The following NRG3 variants were observed in gnomAD, a reference collection of about 807,000 sequenced individuals.
The protein encoded by NRG3 is neuregulin 3, also known as pro-neuregulin-3, membrane-bound isoform.
NRG3 carries 31 observed loss-of-function variants against 66.9 expected under a neutral mutation model. That is an observed-to-expected ratio of 0.46 (90% CI 0.35 to 0.63). The LOEUF is 0.63. NRG3 is among the 20% of genes least tolerant of loss of function. The pLI, the probability that NRG3 is intolerant of heterozygous loss-of-function variation, is 0.00. For missense variants in NRG3, 910 were observed against 878.9 expected (o/e 1.04, Z -0.45); for synonymous variants, 393 against 359.4 (o/e 1.09, Z -1.06).
intron 1 of NRG3, among the ~76,000 whole-genome samples, chr10:82,145,548 G>T (rs2070181566): frequency 6.6e-6 from 1 of 152,134 alleles, no homozygotes; most frequent in Non-Finnish European, 1.5e-5. Flanking sequence ...AAAACCACCA[G>T]TGATTTTCTT....
intron 1 of NRG3, among the ~76,000 whole-genome samples, chr10:82,103,986 T>A (rs570285090): frequency 2.8e-4 from 43 of 150,944 alleles, no homozygotes; most frequent in Admixed American, 9.9e-4. Context: ...TTTTTTTTTT[T>A]AATTTTTATA....
chr10:82,649,931 G>T (rs1032027134), intron 2 of NRG3, among the ~76,000 whole-genome samples: 4 of 152,040 alleles, frequency 2.6e-5, no homozygotes, highest in Non-Finnish European at 5.9e-5. Flanking sequence ...TGACCTTATT[G>T]TTGTAATGGT....
rs12219171 is a variant in NRG3, at chr10:82,200,628, G to A, written c.824-158111G>A. The stretch of plus-strand genomic sequence containing the variant: ...TCTATCTTTACAACAAACCTATGAC[G>A]CAAGAGGAAGAGAGAAAGTAAGTCG... On this transcript the variant is annotated intron_variant, in intron 1 of 8. Transcript: ENST00000372141. 9.1e-3 allele frequency among the ~76,000 whole-genome samples: 1,381 copies of A among 152,198 alleles called. 9 individuals are homozygous for A. The highest frequency in any genetic ancestry group is 0.047 in the South Asian group (225 of 4,830).
At chr10:82,012,980 C>T (rs1031468211) in intron 1 of NRG3, among the ~76,000 whole-genome samples, 7 of 152,148 alleles carry the variant, frequency 4.6e-5, no homozygotes, top group African/African-American at 1.2e-4. Flanking sequence ...CTGCCTGTTA[C>T]CCAGTTCCAA....
chr10:82,012,821 T>G (rs1275591255), intron 1 of NRG3, among the ~76,000 whole-genome samples: 1 of 152,210 alleles, frequency 6.6e-6, no homozygotes, highest in Admixed American at 6.5e-5. Context: ...AAAAGTTTCT[T>G]ATCTTCATCT....
intron 2 of NRG3, among the ~76,000 whole-genome samples, chr10:82,601,026 T>C (rs571681261): frequency 6.6e-6 from 1 of 152,292 alleles, no homozygotes; most frequent in African/African-American, 2.4e-5. Flanking sequence ...CTCACCCTTA[T>C]AAACAAGAAC....
intron 3 of NRG3, among the ~76,000 whole-genome samples, chr10:82,802,259 A>G (rs567374922): frequency 2.0e-3 from 304 of 152,326 alleles, no homozygotes; most frequent in Middle Eastern, 0.01. Context: ...TGTTGCCACA[A>G]ATGAGTAGCA....
At chr10:82,384,012 C>T (rs1395789279) in intron 2 of NRG3, among the ~76,000 whole-genome samples, 1 of 152,028 alleles carries the variant, frequency 6.6e-6, no homozygotes, top group Non-Finnish European at 1.5e-5. Context: ...CATCACTAAA[C>T]ATTAATCTGC....
chr10:82,341,606 T>G (rs1019410583), intron 1 of NRG3, among the ~76,000 whole-genome samples: 4 of 152,098 alleles, frequency 2.6e-5, no homozygotes, highest in African/African-American at 9.7e-5. Context: ...ATATATCTGT[T>G]TTATTTTTAT....
chr10:82,932,251 C>T (rs544328217), intron 4 of NRG3, among the ~76,000 whole-genome samples: 22 of 152,254 alleles, frequency 1.4e-4, no homozygotes, highest in African/African-American at 3.6e-4. Flanking sequence ...CTGACCTCAC[C>T]GCTACACACC....
At chr10:82,935,255 G>A (rs890707520) in intron 4 of NRG3, among the ~76,000 whole-genome samples, 9 of 152,160 alleles carry the variant, frequency 5.9e-5, no homozygotes, top group African/African-American at 1.9e-4. Context: ...GAACGAGATC[G>A]TCTCTAGAAC....
chr10:82,170,762 C>A (rs964650922), intron 1 of NRG3, among the ~76,000 whole-genome samples: 1 of 143,278 alleles, frequency 7.0e-6, no homozygotes, highest in Non-Finnish European at 1.5e-5. Flanking sequence ...CAAATAGAGT[C>A]AGCTTTTTCA....
intron 3 of NRG3, among the ~76,000 whole-genome samples, chr10:82,813,656 T>G (rs1196760113): frequency 2.6e-5 from 4 of 152,192 alleles, no homozygotes; most frequent in Admixed American, 2.6e-4. Context: ...ATCAACAATA[T>G]GCTCAGAAAA....
chr10:82,022,536 C>A (rs1031348786), intron 1 of NRG3, among the ~76,000 whole-genome samples: 4 of 152,096 alleles, frequency 2.6e-5, no homozygotes, highest in Non-Finnish European at 4.4e-5. Context: ...CATGCTATAG[C>A]TTAGTATTTG....
chr10:82,349,667 G>A (rs1038911047), intron 1 of NRG3, among the ~76,000 whole-genome samples: 3 of 151,686 alleles, frequency 2.0e-5, no homozygotes, highest in African/African-American at 2.4e-5. Flanking sequence ...CCCCAACCTC[G>A]CTGCCGCCTT....
intron 2 of NRG3, among the ~76,000 whole-genome samples, chr10:82,542,155 T>C (rs556429093): frequency 6.6e-6 from 1 of 152,302 alleles, no homozygotes; most frequent in South Asian, 2.1e-4. Context: ...CTCCCACTTA[T>C]GAATGAGAAC....
chr10:82,767,484 A>T (rs1451819549), intron 3 of NRG3, among the ~76,000 whole-genome samples: 1 of 151,982 alleles, frequency 6.6e-6, no homozygotes, highest in Non-Finnish European at 1.5e-5. Flanking sequence ...TAATCTAGAG[A>T]TTCCTGTTCA....
intron 7 of NRG3, among the ~76,000 whole-genome samples, chr10:82,974,262 A>G (rs187359767): frequency 1.3e-5 from 2 of 152,268 alleles, no homozygotes; most frequent in African/African-American, 4.8e-5. Flanking sequence ...ATTCTTCCCT[A>G]TGCAGCCTAA....
At chr10:82,345,317 G>C (rs184979314) in intron 1 of NRG3, among the ~76,000 whole-genome samples, 1 of 145,064 alleles carries the variant, frequency 6.9e-6, no homozygotes, top group Non-Finnish European at 1.5e-5. Context: ...TTATTAAATA[G>C]GGAATCCTTT....
Sources: allele counts gnomAD v4.1 joint callset (sites outside exome capture counted in the v4.1 genomes callset), GRCh38; gene constraint gnomAD v4.1.1; transcripts MANE v1.5; gene names NCBI Gene and HGNC (gene_info 2026-07-23, HGNC 2026-07-21).